Variants in TMEM163 observed in about 807,000 individuals in gnomAD.
TMEM163 encodes transmembrane protein 163.
A neutral mutation model predicts 29.3 loss-of-function variants in TMEM163; 17 were observed. That is an observed-to-expected ratio of 0.58 (90% confidence interval 0.40 to 0.87). TMEM163 has a LOEUF of 0.87. Among genes scored for constraint, TMEM163 ranks in the 40% least tolerant of loss-of-function variants. The pLI is 0.00. For missense variants in TMEM163, 303 were observed against 381.5 expected (o/e 0.79, Z 1.71); for synonymous variants, 157 against 160.6 (o/e 0.98, Z 0.17).
intron 4 of TMEM163, among the ~76,000 whole-genome samples, chr2:134,546,280 C>T (rs1680781022): frequency 6.6e-6 from 1 of 152,180 alleles, no homozygotes; most frequent in South Asian, 2.1e-4. Flanking sequence ...GCATTATTCA[C>T]AATAGCCAAA....
At chr2:134,582,669 A>G (rs931539965) in intron 2 of TMEM163, among the ~76,000 whole-genome samples, 13 of 152,218 alleles carry the variant, frequency 8.5e-5, no homozygotes, top group Non-Finnish European at 1.6e-4. Flanking sequence ...CATGACTTGC[A>G]TACAGCCACT....
At chr2:134,512,338 G>A (rs1044961765) in intron 4 of TMEM163, among the ~76,000 whole-genome samples, 4 of 152,118 alleles carry the variant, frequency 2.6e-5, no homozygotes, top group Admixed American at 6.5e-5. Flanking sequence ...CACATCTGTA[G>A]TCCCAGCTTA....
At chr2:134,499,800 G>GGT (rs913694152) in intron 5 of TMEM163, among the ~76,000 whole-genome samples, 23 of 152,134 alleles carry the variant, frequency 1.5e-4, no homozygotes, top group African/African-American at 5.6e-4. Flanking sequence ...CTAAGGGGGA[G>GGT]GTGTCACTCG....
chr2:134,618,030 C>T (rs907968702), intron 2 of TMEM163, among the ~76,000 whole-genome samples: 2 of 152,052 alleles, frequency 1.3e-5, no homozygotes, highest in Admixed American at 1.3e-4. Context: ...GGGAGGATCA[C>T]TTGAGCCCAG....
At chr2:134,635,986 T>C (rs1044300670) in intron 2 of TMEM163, among the ~76,000 whole-genome samples, 1 of 152,166 alleles carries the variant, frequency 6.6e-6, no homozygotes, top group Admixed American at 6.5e-5. Context: ...TCAGAAGGTA[T>C]ATGGCTGCTA....
intron 2 of TMEM163, among the ~76,000 whole-genome samples, chr2:134,702,018 C>G (rs996665857): frequency 3.3e-5 from 5 of 151,866 alleles, no homozygotes; most frequent in African/African-American, 1.2e-4. Flanking sequence ...AGTTCACCTT[C>G]AAAGCAGAGG....
intron 2 of TMEM163, among the ~76,000 whole-genome samples, chr2:134,591,797 C>T (rs996734209): frequency 2.6e-5 from 4 of 152,080 alleles, no homozygotes; most frequent in African/African-American, 9.7e-5. Flanking sequence ...AAATATGCTA[C>T]TACCTCCCAT....
chr2:134,476,080 A>C (rs1686906209), intron 5 of TMEM163, among the ~76,000 whole-genome samples: 1 of 152,236 alleles, frequency 6.6e-6, no homozygotes, highest in Admixed American at 6.5e-5. Context: ...CTAAATGTCC[A>C]ACTACTGGTG....
chr2:134,547,113 C>T (rs915458136), intron 4 of TMEM163, among the ~76,000 whole-genome samples: 2 of 152,106 alleles, frequency 1.3e-5, no homozygotes, highest in African/African-American at 4.8e-5. Context: ...AGGTCTGTTT[C>T]ACAACAACAT....
intron 5 of TMEM163, among the ~76,000 whole-genome samples, chr2:134,499,755 G>A (rs1361685006): frequency 6.6e-6 from 1 of 152,232 alleles, no homozygotes; most frequent in East Asian, 1.9e-4. Flanking sequence ...CAGCTGGACA[G>A]AAATCCCATG....
At chr2:134,513,519 A>G (rs555514089) in intron 4 of TMEM163, among the ~76,000 whole-genome samples, 3 of 152,308 alleles carry the variant, frequency 2.0e-5, no homozygotes, top group South Asian at 4.1e-4. Flanking sequence ...AACCCTGTGG[A>G]GCTTCACGTG....
rs959629317 is a variant in TMEM163, at chr2:134,552,095, A to G, written c.323-4T>C. 3 of 1,610,616 alleles carry G rather than the reference A, an allele frequency of 1.9e-6. No individual in the cohort carries two copies. The highest frequency in any genetic ancestry group is 2.7e-5 in the African/African-American group (2 of 74,820). Reference sequence around the variant, plus strand: ...CTGTACCTCATAACGGAGACAGCTAAAAAGAAAGAAAATATTATTCAGAAT... The same window carrying G: ...CTGTACCTCATAACGGAGACAGCTAGAAAGAAAGAAAATATTATTCAGAAT... On this transcript the variant is annotated splice_region_variant and splice_polypyrimidine_tract_variant and intron_variant, in intron 2 of 7. Transcript: ENST00000281924.
At chr2:134,492,233 C>T (rs1679445827) in intron 5 of TMEM163, among the ~76,000 whole-genome samples, 1 of 152,182 alleles carries the variant, frequency 6.6e-6, no homozygotes, top group Non-Finnish European at 1.5e-5. Context: ...ATCAGGAAAA[C>T]AAAACCTCAC....
chr2:134,476,442 G>C (rs541851467), intron 5 of TMEM163, among the ~76,000 whole-genome samples: 9 of 152,260 alleles, frequency 5.9e-5, no homozygotes, highest in African/African-American at 2.2e-4. Context: ...CGTACTTAAA[G>C]GGTGAATTTT....
chr2:134,538,016 G>A (rs1319584102), intron 4 of TMEM163, among the ~76,000 whole-genome samples: 1 of 152,246 alleles, frequency 6.6e-6, no homozygotes, highest in Non-Finnish European at 1.5e-5. Flanking sequence ...TGGTGGGAAT[G>A]TAAAATGACA....
intron 2 of TMEM163, among the ~76,000 whole-genome samples, chr2:134,659,858 G>A (rs1326017672): frequency 6.6e-6 from 1 of 152,020 alleles, no homozygotes; most frequent in Non-Finnish European, 1.5e-5. Flanking sequence ...GGTCCCTTGA[G>A]CTCAGGAGTT....
intron 2 of TMEM163, among the ~76,000 whole-genome samples, chr2:134,691,944 A>C (rs1684478154): frequency 6.6e-6 from 1 of 152,188 alleles, no homozygotes; most frequent in Admixed American, 6.5e-5. Context: ...CAGGGGCTGC[A>C]GTGGATATCT....
At chr2:134,556,892 T>C (rs1387452752) in intron 2 of TMEM163, among the ~76,000 whole-genome samples, 3 of 152,186 alleles carry the variant, frequency 2.0e-5, no homozygotes, top group Non-Finnish European at 2.9e-5. Flanking sequence ...ATGGCATTGA[T>C]AATAAACAGA....
intron 2 of TMEM163, among the ~76,000 whole-genome samples, chr2:134,554,239 A>T (rs1189395919): frequency 6.6e-6 from 1 of 151,918 alleles, no homozygotes; most frequent in African/African-American, 2.4e-5. Flanking sequence ...CCTGGCCAAC[A>T]TGAAGAAACC....
Sources: gnomAD v4.1 joint callset for allele counts (sites outside exome capture counted in the v4.1 genomes callset) on GRCh38, gnomAD v4.1.1 for gene constraint, MANE v1.5 for transcripts, NCBI Gene and HGNC (gene_info 2026-07-23, HGNC 2026-07-21) for gene names.